Variants in PBK observed in about 807,000 individuals in gnomAD.
The protein encoded by PBK is PDZ binding kinase.
A neutral mutation model predicts 33.5 loss-of-function variants in PBK; 22 were observed. The ratio of observed to expected loss-of-function variants is 0.66; its 90% CI spans 0.47 to 0.94. The LOEUF is 0.94. Ranked by LOEUF, PBK falls within the 40% of genes least tolerant of loss-of-function variation. PBK has a pLI of 0.00. For synonymous variants in PBK, 129 were observed against 123.8 expected (o/e 1.04, Z -0.28); for missense variants, 376 against 383.4 (o/e 0.98, Z 0.16).
intron 4 of PBK, among the ~76,000 whole-genome samples, chr8:27,822,842 AC>A (rs1236995994): frequency 6.6e-6 from 1 of 152,150 alleles, no homozygotes; most frequent in Non-Finnish European, 1.5e-5. Flanking sequence ...AGAACTAGCA[AC>A]ATAATTATTA....
chr8:27,810,746 A>C (rs1805661606), intron 7 of PBK, among the ~76,000 whole-genome samples: 1 of 152,052 alleles, frequency 6.6e-6, no homozygotes, highest in Non-Finnish European at 1.5e-5. Context: ...TCATTTTCTC[A>C]GGAAAGGGGA....
intron 5 of PBK, among the ~76,000 whole-genome samples, chr8:27,821,338 C>T (rs980676498): frequency 1.4e-4 from 21 of 152,324 alleles, no homozygotes; most frequent in African/African-American, 4.6e-4. Flanking sequence ...TCTTGGCTCA[C>T]TGCAACATCT....
At chr8:27,811,441 T>C in intron 6 of PBK, 1 of 484,208 alleles carries the variant, frequency 2.1e-6, no homozygotes, top group Non-Finnish European at 3.8e-6. Context: ...TTGGGTTGGT[T>C]CAAAGACATG....
At chr8:27,813,477 TTTA>T (rs1357013886) in intron 6 of PBK, among the ~76,000 whole-genome samples, 1 of 152,200 alleles carries the variant, frequency 6.6e-6, no homozygotes, top group Non-Finnish European at 1.5e-5. Flanking sequence ...TATGGTGAAT[TTTA>T]TTGACTCCTC....
chr8:27,819,726 G>A (rs1266688458), intron 6 of PBK, among the ~76,000 whole-genome samples: 1 of 152,036 alleles, frequency 6.6e-6, no homozygotes, highest in Non-Finnish European at 1.5e-5. Context: ...ATTAAGCATT[G>A]AGAAAAATAC....
intron 6 of PBK, among the ~76,000 whole-genome samples, chr8:27,820,362 C>T (rs775559058): frequency 2.0e-5 from 3 of 152,030 alleles, no homozygotes; most frequent in Non-Finnish European, 4.4e-5. Context: ...AATACTACTA[C>T]TAATAATAAT....
chr8:27,826,936 G>A (rs930966563), intron 3 of PBK, among the ~76,000 whole-genome samples: 6 of 151,858 alleles, frequency 4.0e-5, no homozygotes, highest in Admixed American at 3.9e-4. Flanking sequence ...ATAAACCTGT[G>A]AGAATTTTTT....
At position 27,822,420 on chromosome 8, in the gene PBK, A is replaced by G; in HGVS notation, c.364T>C (p.Ser122Pro). The G allele has an allele frequency of 6.2e-7, 1 of 1,612,058 alleles. No homozygotes were observed. The highest frequency in any genetic ancestry group is 1.1e-5 in the South Asian group (1 of 90,958). ...CLAMEYGGEK[S>P]LNDLIEERYK... ...CGTTCTTCTATTAAGTCATTTAGAG[A>G]CTTTTCACCTCCATATTCCATAGCA... Residue 122 changes from serine to proline, a missense_variant, in exon 5 of 8, where the codon TCT becomes CCT. Coordinates refer to ENST00000301905, the MANE Select transcript of PBK (RefSeq NM_018492.4).
At chr8:27,813,854 T>C (rs79317546) in intron 6 of PBK, among the ~76,000 whole-genome samples, 3,305 of 152,290 alleles carry the variant, frequency 0.022, 138 homozygotes, top group African/African-American at 0.075. Context: ...AATTGGCTAA[T>C]ATTTTGTTAA....
At chr8:27,817,356 C>T (rs929576684) in intron 6 of PBK, among the ~76,000 whole-genome samples, 8 of 152,020 alleles carry the variant, frequency 5.3e-5, no homozygotes, top group African/African-American at 1.2e-4. Flanking sequence ...AGTCTTGCTC[C>T]GGCTCAGAAA....
chr8:27,824,508 A>C (rs900753555), intron 3 of PBK, among the ~76,000 whole-genome samples: 1 of 152,172 alleles, frequency 6.6e-6, no homozygotes, highest in African/African-American at 2.4e-5. Context: ...AAAATATGTA[A>C]GTAAATAAAA....
intron 2 of PBK, among the ~76,000 whole-genome samples, chr8:27,830,969 G>A (rs1267848070): frequency 1.3e-5 from 2 of 152,140 alleles, no homozygotes; most frequent in South Asian, 2.1e-4. Flanking sequence ...GTACCACTGA[G>A]GATTAAGAAG....
intron 6 of PBK, among the ~76,000 whole-genome samples, chr8:27,815,369 G>A (rs1805789659): frequency 6.6e-6 from 1 of 152,210 alleles, no homozygotes. Context: ...CAGCAGGCAA[G>A]AAGGAAAGAT....
chr8:27,834,028 CTTT>C (rs71762494), intron 1 of PBK, among the ~76,000 whole-genome samples: 20,800 of 138,970 alleles, frequency 0.15, 1,727 homozygotes, highest in East Asian at 0.35. Flanking sequence ...TATGATGATC[CTTT>C]TTTTTTTTTT....
chr8:27,836,806 T>C lies in PBK; in HGVS notation c.-21+846A>G, dbSNP rs1055994349. On this transcript the variant is annotated intron_variant, in intron 1 of 7. Transcript: ENST00000301905. ...CAGAAGTCGTAACATTTCATTATGT[T>C]CTCTTACGACTGAGTCCCACCTTCT... Among the ~76,000 whole-genome samples the C allele has an allele frequency of 3.3e-5, 5 of 152,198 alleles. No individual in the cohort carries two copies. The East Asian group carries it at 9.6e-4, about 29-fold the overall frequency.
intron 6 of PBK, among the ~76,000 whole-genome samples, chr8:27,816,245 A>G (rs1805808007): frequency 3.3e-5 from 5 of 151,752 alleles, no homozygotes; most frequent in Admixed American, 3.3e-4. Context: ...TGTCTGTCTC[A>G]TGTACTCTAT....
At chr8:27,818,185 T>G (rs957372530) in intron 6 of PBK, among the ~76,000 whole-genome samples, 2 of 152,184 alleles carry the variant, frequency 1.3e-5, no homozygotes, top group Admixed American at 6.5e-5. Flanking sequence ...TTGGTTGTTG[T>G]AAGTCACTGA....
intron 5 of PBK, among the ~76,000 whole-genome samples, chr8:27,821,461 T>A (rs1585428011): frequency 6.6e-6 from 1 of 151,544 alleles, no homozygotes; most frequent in Non-Finnish European, 1.5e-5. Context: ...GGGGTTTCAC[T>A]ATGTTGGCCA....
intron 2 of PBK, among the ~76,000 whole-genome samples, chr8:27,830,205 G>GAAAA (rs35191143): frequency 3.2e-5 from 3 of 92,952 alleles, no homozygotes; most frequent in Admixed American, 1.2e-4. Flanking sequence ...TCTGTCTCAA[G>GAAAA]AAAAAAAAAA....
Sources: allele counts gnomAD v4.1 joint callset (sites outside exome capture counted in the v4.1 genomes callset), GRCh38; gene constraint gnomAD v4.1.1; transcripts MANE v1.5; gene names NCBI Gene and HGNC (gene_info 2026-07-23, HGNC 2026-07-21).